Variants in TM9SF4 observed in about 807,000 individuals in gnomAD.
The protein encoded by TM9SF4 is transmembrane 9 superfamily member 4, also known as dinucleotide oxidase disulfide thiol exchanger 3 superfamily member 4.
A neutral mutation model predicts 90.4 loss-of-function variants in TM9SF4; 26 were observed. The ratio of observed to expected loss-of-function variants is 0.29; its 90% CI spans 0.21 to 0.40. The LOEUF (loss-of-function observed/expected upper bound fraction) is 0.40. Ranked by LOEUF, TM9SF4 falls within the 10% of genes least tolerant of loss-of-function variation. TM9SF4 has a pLI of 1.00. For missense variants in TM9SF4, 549 were observed against 834.8 expected, an observed-to-expected ratio of 0.66 and a Z score of 4.22; for synonymous variants, 293 against 315.4, an observed-to-expected ratio of 0.93 and a Z score of 0.75.
At chr20:32,113,328 C>T (rs1466585388) in intron 1 of TM9SF4, among the ~76,000 whole-genome samples, 1 of 152,140 alleles carries the variant, frequency 6.6e-6, no homozygotes, top group Non-Finnish European at 1.5e-5. Context: ...CCTGAACCCG[C>T]AGGGCAAGAC....
intron 9 of TM9SF4, among the ~76,000 whole-genome samples, chr20:32,147,339 C>T (rs997705773): frequency 1.1e-4 from 16 of 151,944 alleles, no homozygotes; most frequent in African/African-American, 3.6e-4. Flanking sequence ...TTTTATTCAC[C>T]CAAAGTGATA....
intron 3 of TM9SF4, among the ~76,000 whole-genome samples, chr20:32,138,467 AAAATTTGT>A (rs2046625286): frequency 6.6e-6 from 1 of 152,224 alleles, no homozygotes; most frequent in South Asian, 2.1e-4. Context: ...AAAATTTAAA[AAAATTTGT>A]AAATTTGTAA....
chr20:32,125,015 C>T (rs990283433), intron 1 of TM9SF4, among the ~76,000 whole-genome samples: 4 of 152,160 alleles, frequency 2.6e-5, no homozygotes, highest in African/African-American at 9.7e-5. Flanking sequence ...TTATGAACTT[C>T]TTGAGCTTCA....
At chr20:32,129,637 C>T (rs1172184747) in intron 1 of TM9SF4, among the ~76,000 whole-genome samples, 3 of 138,986 alleles carry the variant, frequency 2.2e-5, no homozygotes, top group South Asian at 2.2e-4. Context: ...CTCCCTTTGT[C>T]GCCCAGGATG....
Position 32,110,129 on chromosome 20 carries a change from G to C in TM9SF4, c.15+374G>C, listed in dbSNP as rs1009973915. 6.8e-6 allele frequency: 7 copies of C among 1,029,140 alleles called. No individual in the cohort carries two copies. The African/African-American group carries it at 8.3e-5, about 12-fold the overall frequency. The allele number at this position is 1,029,140 out of a possible 1,614,324, so 63.8% of individuals were successfully genotyped here. On this transcript the variant is annotated intron_variant, in intron 1 of 17. Coordinates refer to ENST00000398022, the MANE Select transcript of TM9SF4 (RefSeq NM_014742.4). ...TCTCATCCTTGCTCCTCCCCGTCACGTCCAGACCCTGCTCTCCCCGCCTCC... is the reference window on the plus strand; with the variant it reads ...TCTCATCCTTGCTCCTCCCCGTCACCTCCAGACCCTGCTCTCCCCGCCTCC...
At chr20:32,131,165 A>G (rs1009144183) in intron 1 of TM9SF4, among the ~76,000 whole-genome samples, 2 of 152,164 alleles carry the variant, frequency 1.3e-5, no homozygotes, top group African/African-American at 4.8e-5. Flanking sequence ...GCCAAATACA[A>G]TACACCTGTC....
At chr20:32,159,815 A>G (rs2046987352) in intron 15 of TM9SF4, 177 bp from the exon 16 acceptor site, 6 of 810,216 alleles carry the variant, frequency 7.4e-6, no homozygotes, top group Admixed American at 2.6e-5. Flanking sequence ...CCCCTCCCTA[A>G]GGACAGTGTG....
chr20:32,147,856 A>C (rs1304199336), intron 9 of TM9SF4, among the ~76,000 whole-genome samples: 1 of 112,326 alleles, frequency 8.9e-6, no homozygotes, highest in Non-Finnish European at 1.9e-5. Flanking sequence ...CTGTCTCCAA[A>C]GGAAAAAAAA....
At position 32,161,311 on chromosome 20, in the gene TM9SF4, C is replaced by G; in HGVS notation, c.1725C>G (p.Ser575=). ...YRWWWRNFLV[S]GGSAFYVLVY... is the part of the protein sequence containing the mutation. Reference sequence around the variant, plus strand: ...GGTGGTGGAGAAATTTCCTAGTCTCCGGGGGCTCTGCATTCTACGTCCTGG... The same window carrying G: ...GGTGGTGGAGAAATTTCCTAGTCTCGGGGGGCTCTGCATTCTACGTCCTGG... The change falls in exon 17 of 18, where the codon TCC becomes TCG. Residue 575 remains serine, a synonymous_variant. Coordinates refer to ENST00000398022, the MANE Select transcript of TM9SF4 (RefSeq NM_014742.4). 1 of 1,613,946 alleles carries G rather than the reference C, an allele frequency of 6.2e-7. No homozygotes were observed. Among genetic ancestry groups the G allele is most frequent in the Non-Finnish European group, 8.5e-7 (1 of 1,179,978 alleles).
intron 3 of TM9SF4, chr20:32,137,116 G>A: frequency 2.2e-6 from 1 of 448,936 alleles, no homozygotes; most frequent in Non-Finnish European, 4.5e-6. Context: ...GCGTTGAACA[G>A]AGATTGGCCT....
chr20:32,136,311 AC>A (rs1381225857), intron 3 of TM9SF4, 138 bp downstream of exon 3: 1 of 779,986 alleles, frequency 1.3e-6, no homozygotes, highest in Non-Finnish European at 2.1e-6. Flanking sequence ...GCTTATTTAA[AC>A]CTCATAACAG....
intron 12 of TM9SF4, among the ~76,000 whole-genome samples, chr20:32,151,532 G>A (rs905144191): frequency 3.9e-5 from 6 of 152,296 alleles, no homozygotes; most frequent in East Asian, 1.9e-4. Flanking sequence ...CATTCTCACC[G>A]CTGTCAAAAG....
At chr20:32,112,523 C>T (rs1275066516) in intron 1 of TM9SF4, among the ~76,000 whole-genome samples, 4 of 151,982 alleles carry the variant, frequency 2.6e-5, no homozygotes, top group African/African-American at 9.7e-5. Flanking sequence ...TGGCGAAACC[C>T]TGTCTTCTAA....
intron 1 of TM9SF4, among the ~76,000 whole-genome samples, chr20:32,130,001 G>A (rs1380604161): frequency 6.6e-6 from 1 of 152,206 alleles, no homozygotes; most frequent in Non-Finnish European, 1.5e-5. Flanking sequence ...GAGTCAAAGA[G>A]TATGTACTTT....
At chr20:32,149,508 C>A in intron 9 of TM9SF4, 126 bp from the exon 10 acceptor site, 1 of 1,258,886 alleles carries the variant, frequency 7.9e-7, no homozygotes, top group Non-Finnish European at 1.1e-6. Flanking sequence ...TCTCCTATCA[C>A]TTACACTCCT....
At chr20:32,159,937 AG>A (rs1485510366) in intron 15 of TM9SF4, 54 bp from the exon 16 acceptor site, 1 of 1,610,874 alleles carries the variant, frequency 6.2e-7, no homozygotes, top group African/African-American at 1.3e-5. Flanking sequence ...TTGGTGTGCC[AG>A]GGGAAGGGGA....
At position 32,165,452 on chromosome 20, in the gene TM9SF4, G is replaced by A; in HGVS notation, c.*8G>A. ...GCTGTGAAGATAGACTGATTGGAGT[G>A]GACCACGGCCAAGCTTGCTCCGTCC... On this transcript the variant is annotated 3_prime_UTR_variant, in exon 18 of 18. Transcript: ENST00000398022. 1 of 1,613,808 alleles carries A rather than the reference G, an allele frequency of 6.2e-7. No individual in the cohort carries two copies. Among genetic ancestry groups the A allele is most frequent in the East Asian group, 2.2e-5 (1 of 44,850 alleles).
rs982147484 is a variant in TM9SF4 at position 32,165,675 on chromosome 20, T to C, written c.*231T>C. The C allele has an allele frequency of 1.9e-6, 1 of 533,508 alleles. No individual in the cohort carries two copies. The highest frequency in any genetic ancestry group is 3.1e-5 in the Admixed American group (1 of 31,836). The allele number at this position is 533,508 out of a possible 1,614,324, so 33.0% of individuals were successfully genotyped here. Reference sequence around the variant, plus strand: ...GGGATGAGTTTTTTTGTGGGTTGCTTTTTCTTCAGTGCTAAGAAAGTTCCC... The same window carrying C: ...GGGATGAGTTTTTTTGTGGGTTGCTCTTTCTTCAGTGCTAAGAAAGTTCCC... On this transcript the variant is annotated 3_prime_UTR_variant, in exon 18 of 18. Transcript: ENST00000398022.
chr20:32,159,829 C>T (rs963310163), intron 15 of TM9SF4, 163 bp from the exon 16 acceptor site: 1 of 958,850 alleles, frequency 1.0e-6, no homozygotes, highest in African/African-American at 1.6e-5. Flanking sequence ...CAGTGTGGCT[C>T]ACCCCCTGCT....
Sources: gnomAD v4.1 joint callset for allele counts (sites outside exome capture counted in the v4.1 genomes callset) on GRCh38, gnomAD v4.1.1 for gene constraint, MANE v1.5 for transcripts, NCBI Gene and HGNC (gene_info 2026-07-23, HGNC 2026-07-21) for gene names.